Variants in MEAK7 observed in about 807,000 individuals in gnomAD.
MEAK7 encodes MTOR-associated protein MEAK7.
Under a neutral mutation model 40.5 loss-of-function variants are expected in MEAK7, and 68 were observed. The observed-to-expected ratio is 1.68, with a 90% CI of 1.38 to 2.06. The LOEUF (loss-of-function observed/expected upper bound fraction) is 2.06, where lower values mean the gene tolerates loss of function less well. MEAK7 is among the 30% of genes most tolerant of loss of function. The pLI is 0.00. For missense variants in MEAK7, 918 were observed against 580.5 expected (o/e 1.58, Z -5.98); for synonymous variants, 338 against 231.9 (o/e 1.46, Z -4.16).
At chr16:84,497,404 C>T (rs561867040) in intron 2 of MEAK7, 1 of 1,275,412 alleles carries the variant, frequency 7.8e-7, no homozygotes, top group African/African-American at 1.5e-5. Flanking sequence ...AAATTCCTAG[C>T]CATCAAACAC....
At chr16:84,487,431 A>T (rs1469442206) in intron 4 of MEAK7, 1 of 178,964 alleles carries the variant, frequency 5.6e-6, no homozygotes, top group African/African-American at 2.4e-5. Flanking sequence ...AAACAATCCG[A>T]CTTCAACACT....
At chr16:84,484,832 G>T (rs142636092) in intron 5 of MEAK7, among the ~76,000 whole-genome samples, 1 of 152,154 alleles carries the variant, frequency 6.6e-6, no homozygotes, top group African/African-American at 2.4e-5. Context: ...CTGTTGTTTC[G>T]TGAGTATGGA....
intron 5 of MEAK7, among the ~76,000 whole-genome samples, chr16:84,485,659 C>T (rs374287172): frequency 1.9e-5 from 2 of 103,116 alleles, no homozygotes; most frequent in Non-Finnish European, 5.1e-5. Flanking sequence ...TCCATCCATC[C>T]ATCCATCTAT....
At position 84,479,812 on chromosome 16, in the gene MEAK7, G is replaced by T; in HGVS notation, c.*101C>A. The T allele has an allele frequency of 2.4e-6, 2 of 833,602 alleles. No individual in the cohort carries two copies. The highest frequency in any genetic ancestry group is 3.6e-6 in the Non-Finnish European group (2 of 556,714). The allele number at this position is 833,602 out of a possible 1,614,324, so 51.6% of individuals were successfully genotyped here. On this transcript the variant is annotated 3_prime_UTR_variant, in exon 8 of 8. Transcript: ENST00000343629. ...TACCAGGCTGTGACCCGTGCGGTAC[G>T]CTATTACAGTTAAACCATGTGGGAG...
At chr16:84,503,677 G>T (rs1053297210) in intron 1 of MEAK7, among the ~76,000 whole-genome samples, 3 of 152,184 alleles carry the variant, frequency 2.0e-5, no homozygotes. Context: ...AGACAACAGA[G>T]AATGGCTCCT....
At chr16:84,483,696 G>T (rs1291829292) in intron 5 of MEAK7, among the ~76,000 whole-genome samples, 1 of 152,154 alleles carries the variant, frequency 6.6e-6, no homozygotes, top group Non-Finnish European at 1.5e-5. Flanking sequence ...AATCTAGAAA[G>T]ATCGCTGGGG....
intron 5 of MEAK7, 146 bp from the exon 6 acceptor site, chr16:84,482,856 G>C (rs1912699988): frequency 1.6e-6 from 2 of 1,275,722 alleles, no homozygotes; most frequent in Non-Finnish European, 2.2e-6. Context: ...TCAGGGTTTG[G>C]GACAAGCTGC....
chr16:84,504,563 TG>T, intron 1 of MEAK7, 37 bp downstream of exon 1: 1 of 982,864 alleles, frequency 1.0e-6, no homozygotes, highest in Non-Finnish European at 1.2e-6. Context: ...CCTGCGCCTC[TG>T]GGTCAGCTCA....
At position 84,480,622 on chromosome 16, in the gene MEAK7, G is replaced by C; in HGVS notation, c.1164C>G (p.Thr388=). Residue 388 remains threonine (T), a synonymous_variant, in exon 7 of 8, where the codon ACC becomes ACG. Coordinates refer to ENST00000343629, the MANE Select transcript of MEAK7 (RefSeq NM_020947.4). ...CCGACAGCTGCGGGCTGTTGTACGT[G>C]GTGCACGTGGGCTTGGCTCTGCTGT... ...KGHSRAKPTC[T]TYNSPQLSAQ... 6.2e-7 allele frequency: 1 copy of C among 1,614,022 alleles called. No individual in the cohort carries two copies. Among genetic ancestry groups the C allele is most frequent in the Non-Finnish European group, 8.5e-7 (1 of 1,179,960 alleles).
At chr16:84,480,820 G>C in intron 6 of MEAK7, 112 bp from the exon 7 acceptor site, 1 of 1,205,330 alleles carries the variant, frequency 8.3e-7, no homozygotes, top group Non-Finnish European at 1.1e-6. Flanking sequence ...ACAGGGGCGG[G>C]TGAGTGGTGA....
rs535592107 is a variant in MEAK7, at chr16:84,482,780, G to A, written c.959-70C>T. The A allele has an allele frequency of 2.8e-4, 440 of 1,590,108 alleles. 2 individuals carry two copies. The highest frequency in any genetic ancestry group is 2.9e-4 in the Non-Finnish European group (341 of 1,167,454). On this transcript the variant is annotated intron_variant, in intron 5 of 7. Transcript: ENST00000343629. Reference sequence around the variant, plus strand: ...CCGGTCCCACAGGGCCGGAAATGCCGGTAAGCTGCAGCTCAGGAAGCAACA... The same window carrying A: ...CCGGTCCCACAGGGCCGGAAATGCCAGTAAGCTGCAGCTCAGGAAGCAACA...
intron 3 of MEAK7, 93 bp downstream of exon 3, chr16:84,495,590 C>T (rs1351717635): frequency 8.1e-6 from 10 of 1,230,388 alleles, no homozygotes; most frequent in Admixed American, 2.0e-5. Context: ...TTTTGGTTTA[C>T]TCCTCCATGT....
chr16:84,502,586 A>C (rs1914593581), intron 1 of MEAK7: 1 of 152,098 alleles, frequency 6.6e-6, no homozygotes, highest in African/African-American at 2.4e-5. Flanking sequence ...TGACACCGAG[A>C]AAACTTGCCA....
intron 2 of MEAK7, 112 bp downstream of exon 2, chr16:84,497,822 A>C: frequency 6.7e-7 from 1 of 1,493,356 alleles, no homozygotes; most frequent in Non-Finnish European, 9.2e-7. Flanking sequence ...CCAACTTTTC[A>C]GTGTTGCCAT....
In MEAK7 at chr16:84,489,311, C is replaced by CCAG; in HGVS notation, c.493_495dup (p.Leu165dup). Reference sequence around the variant, plus strand: ...TTCATGTCAGAGAGCAGCTGAGCAGCCAGCACCTGCACCCGGGGGTTGGGC... The same window carrying CCAG: ...TTCATGTCAGAGAGCAGCTGAGCAGCCAGCAGCACCTGCACCCGGGGGTTGGGC... On this transcript the variant is annotated inframe_insertion, in exon 4 of 8. Coordinates refer to ENST00000343629, the MANE Select transcript of MEAK7 (RefSeq NM_020947.4). The CCAG allele has an allele frequency of 6.2e-7, 1 of 1,614,190 alleles. No homozygotes were observed. Among genetic ancestry groups the CCAG allele is most frequent in the Non-Finnish European group, 8.5e-7 (1 of 1,180,026 alleles).
chr16:84,504,239 T>A, intron 1 of MEAK7: 6 of 785,312 alleles, frequency 7.6e-6, no homozygotes, highest in Non-Finnish European at 7.7e-6. Context: ...GCCTCCTCCG[T>A]GGAGGCACCC....
Position 84,486,632 on chromosome 16 carries a change from T to C in MEAK7, c.957A>G (p.Gln319=), listed in dbSNP as rs774871928. 1 of 1,601,828 alleles carries C rather than the reference T, an allele frequency of 6.2e-7. No individual in the cohort carries two copies. The highest frequency in any genetic ancestry group is 8.5e-7 in the Non-Finnish European group (1 of 1,174,228). The change falls in exon 5 of 8, where the codon CAA becomes CAG. Residue 319 remains glutamine, a splice_region_variant and synonymous_variant. Transcript: ENST00000343629. ...AAGGTTCAGGACACCAAGTCTTACC[T>C]TGAAACTGAGGCTTCACCTCCCAAG... The part of the protein sequence containing the change: ...SCSWEVKPQF[Q]GDNRCFLFSI...
At chr16:84,484,428 T>C (rs1443764479) in intron 5 of MEAK7, among the ~76,000 whole-genome samples, 1 of 152,064 alleles carries the variant, frequency 6.6e-6, no homozygotes, top group African/African-American at 2.4e-5. Flanking sequence ...GCCCAGAAAA[T>C]GAATCAATCA....
intron 4 of MEAK7, chr16:84,487,698 A>AT (rs1913212693): frequency 6.6e-6 from 1 of 152,336 alleles, no homozygotes; most frequent in Non-Finnish European, 1.5e-5. Flanking sequence ...TTGGAGCCCT[A>AT]TTTTCCATCC....
Sources: allele counts gnomAD v4.1 joint callset (sites outside exome capture counted in the v4.1 genomes callset), GRCh38; gene constraint gnomAD v4.1.1; transcripts MANE v1.5; gene names NCBI Gene and HGNC (gene_info 2026-07-23, HGNC 2026-07-21).